Variants in MYH15 observed in about 807,000 individuals in gnomAD.
MYH15 encodes the protein myosin heavy chain 15.
MYH15 carries 227 observed loss-of-function variants against 240.5 expected under a neutral mutation model. That is an observed-to-expected ratio of 0.94 (90% CI 0.85 to 1.05). The LOEUF is 1.05. MYH15 is among the 50% of genes least tolerant of loss of function. MYH15 has a pLI of 0.00. For synonymous variants in MYH15, 785 were observed against 796.7 expected (o/e 0.99, Z 0.25); for missense variants, 2,217 against 2,247.5 (o/e 0.99, Z 0.27).
chr3:108,459,492 C>A, intron 17 of MYH15, 43 bp from the exon 18 acceptor site: 1 of 1,196,228 alleles, frequency 8.4e-7, no homozygotes, highest in Admixed American at 2.1e-5. Flanking sequence ...CTTTGCAAAT[C>A]ACTAAAAACA....
intron 23 of MYH15, among the ~76,000 whole-genome samples, chr3:108,440,422 T>C (rs1336904959): frequency 2.6e-5 from 4 of 152,102 alleles, no homozygotes; most frequent in African/African-American, 9.7e-5. Flanking sequence ...TCAATAAAAA[T>C]AAGAGTGCTA....
the MYH15 span, among the ~76,000 whole-genome samples, chr3:108,540,345 C>G: frequency 1.3e-5 from 2 of 152,174 alleles, no homozygotes; most frequent in African/African-American, 4.8e-5. Context: ...CCACAGACAG[C>G]ATCTCTCAAA....
At chr3:108,464,510 CT>C in intron 15 of MYH15, 127 bp downstream of exon 15, 1 of 957,278 alleles carries the variant, frequency 1.0e-6, no homozygotes, top group South Asian at 1.8e-5. Flanking sequence ...TTTTGTGGAA[CT>C]GAGATGTATT....
At chr3:108,534,715 AATTT>A in the MYH15 span, among the ~76,000 whole-genome samples, 1 of 144,814 alleles carries the variant, frequency 6.9e-6, no homozygotes, top group East Asian at 1.9e-4. Context: ...AAAAAAAAAA[AATTT>A]TTTTTTTTTA....
chr3:108,392,645 G>A (rs2082430290), intron 36 of MYH15, among the ~76,000 whole-genome samples: 1 of 152,166 alleles, frequency 6.6e-6, no homozygotes, highest in Non-Finnish European at 1.5e-5. Context: ...CAGATGGTGA[G>A]GGCAAAGAAT....
At chr3:108,454,904 C>A (rs532573545) in intron 20 of MYH15, among the ~76,000 whole-genome samples, 11 of 152,112 alleles carry the variant, frequency 7.2e-5, no homozygotes, top group Non-Finnish European at 1.5e-4. Context: ...TCACTTGCCT[C>A]AGGTCAATCT....
intron 21 of MYH15, among the ~76,000 whole-genome samples, chr3:108,452,828 ATT>A (rs1181219902): frequency 1.3e-5 from 2 of 152,176 alleles, no homozygotes; most frequent in Non-Finnish European, 2.9e-5. Flanking sequence ...GAAAAAAAAT[ATT>A]GAGTTGGCTG....
At chr3:108,530,445 T>A (rs1469369407), upstream of MYH15, among the ~76,000 whole-genome samples, 1 of 152,088 alleles carries the variant, frequency 6.6e-6, no homozygotes, top group African/African-American at 2.4e-5. Context: ...GAGGGAGAGA[T>A]AAATAGGTGG....
intron 35 of MYH15, among the ~76,000 whole-genome samples, chr3:108,395,435 G>A (rs2082452467): frequency 6.6e-6 from 1 of 152,106 alleles, no homozygotes; most frequent in South Asian, 2.1e-4. Flanking sequence ...TGAGAGATGG[G>A]GTGGAATTAA....
upstream of MYH15, among the ~76,000 whole-genome samples, chr3:108,531,457 C>T (rs964726347): frequency 3.3e-5 from 5 of 152,030 alleles, no homozygotes; most frequent in African/African-American, 1.2e-4. Context: ...TGGGCCATAC[C>T]CATATTTGCA....
intron 7 of MYH15, among the ~76,000 whole-genome samples, chr3:108,493,748 G>A (rs919976893): frequency 1.3e-5 from 2 of 152,148 alleles, no homozygotes; most frequent in Non-Finnish European, 2.9e-5. Flanking sequence ...CAGAGAAAGG[G>A]GGGGCATAAA....
intron 28 of MYH15, among the ~76,000 whole-genome samples, chr3:108,418,694 C>T (rs182424328): frequency 4.7e-5 from 7 of 150,472 alleles, no homozygotes; most frequent in East Asian, 3.9e-4. Flanking sequence ...TGCAATGGTG[C>T]GATCTCAGCT....
rs745764881 is a variant in MYH15 at position 108,391,930 on chromosome 3, C to T, written c.5260G>A (p.Ala1754Thr). Residue 1754 changes from alanine to threonine, a missense_variant and splice_region_variant, in exon 37 of 41, where the codon GCA becomes ACA. Ala to Thr is a moderately conservative substitution (Grantham distance 58). Coordinates refer to ENST00000693548, the MANE Select transcript of MYH15 (RefSeq NM_014981.3). ...EEKAKKAAIE[A>T]ANLSEELKKK... ...TTCAGTTCTTCTGACAAGTTTGCTG[C>T]CTAGGGGGTTAAAAAAAGGGACTGA... The T allele has an allele frequency of 6.2e-7, 1 of 1,612,976 alleles. No individual in the cohort carries two copies. The highest frequency in any genetic ancestry group is 1.7e-5 in the Admixed American group (1 of 59,802).
intron 25 of MYH15, among the ~76,000 whole-genome samples, chr3:108,433,465 G>C (rs2082798122): frequency 6.6e-6 from 1 of 152,180 alleles, no homozygotes; most frequent in South Asian, 2.1e-4. Flanking sequence ...GGCATGATTG[G>C]TTTTGAAATG....
intron 1 of MYH15, among the ~76,000 whole-genome samples, chr3:108,523,014 G>A (rs1559676705): frequency 6.6e-6 from 1 of 152,050 alleles, no homozygotes; most frequent in South Asian, 2.1e-4. Flanking sequence ...TTGAGAACAA[G>A]AACATTTGCG....
rs546605427 is a variant in MYH15, at chr3:108,415,508, A to T, written c.3949-1080T>A. ...GTGGCATTTACATGGCATATATTTAATTATAGAAGTAAACAAGACAAAGAC... is the reference window on the plus strand; with the variant it reads ...GTGGCATTTACATGGCATATATTTATTTATAGAAGTAAACAAGACAAAGAC... On this transcript the variant is annotated intron_variant, in intron 29 of 40. Coordinates refer to ENST00000693548, the MANE Select transcript of MYH15 (RefSeq NM_014981.3). Among the ~76,000 whole-genome samples the T allele has an allele frequency of 2.0e-5, 3 of 152,358 alleles. No individual in the cohort carries two copies. The East Asian group carries it at 5.8e-4, about 29-fold the overall frequency.
At chr3:108,492,299 A>C (rs2083355653) in intron 9 of MYH15, among the ~76,000 whole-genome samples, 1 of 152,094 alleles carries the variant, frequency 6.6e-6, no homozygotes, top group Admixed American at 6.5e-5. Flanking sequence ...ATTGAAAAAG[A>C]AGTGTTGCTA....
chr3:108,396,407 T>A (rs1038409286), intron 35 of MYH15, among the ~76,000 whole-genome samples: 12 of 152,204 alleles, frequency 7.9e-5, no homozygotes, highest in Non-Finnish European at 1.6e-4. Context: ...TAGATTCTCC[T>A]AAGGAGCATG....
intron 37 of MYH15, among the ~76,000 whole-genome samples, chr3:108,389,597 T>C (rs2107534888): frequency 6.6e-6 from 1 of 152,176 alleles, no homozygotes; most frequent in East Asian, 1.9e-4. Context: ...AGGTGCCTGC[T>C]ACATACCACA....
Sources: allele counts gnomAD v4.1 joint callset (sites outside exome capture counted in the v4.1 genomes callset), GRCh38; gene constraint gnomAD v4.1.1; transcripts MANE v1.5; gene names NCBI Gene and HGNC (gene_info 2026-07-23, HGNC 2026-07-21).